The following CACNA2D3 variants were observed in gnomAD, a reference collection of about 807,000 sequenced individuals.
The protein encoded by CACNA2D3 is calcium voltage-gated channel auxiliary subunit alpha2delta 3, also known as voltage-dependent calcium channel subunit alpha-2/delta-3.
A neutral mutation model predicts 160.6 loss-of-function variants in CACNA2D3; 60 were observed. The ratio of observed to expected loss-of-function variants is 0.37; its 90% CI spans 0.30 to 0.46. The LOEUF (loss-of-function observed/expected upper bound fraction) is 0.46, where lower values mean the gene tolerates loss of function less well. Among genes scored for constraint, CACNA2D3 ranks in the 20% least tolerant of loss-of-function variants. The pLI, the probability that CACNA2D3 is intolerant of heterozygous loss-of-function variation, is 1.00. For missense variants in CACNA2D3, 1,205 were observed against 1,365.0 expected (o/e 0.88, Z 1.85); for synonymous variants, 558 against 492.9 (o/e 1.13, Z -1.75).
At chr3:54,402,065 C>G (rs574507054) in intron 4 of CACNA2D3, among the ~76,000 whole-genome samples, 4 of 152,056 alleles carry the variant, frequency 2.6e-5, no homozygotes, top group African/African-American at 9.6e-5. Context: ...GTAAAATATC[C>G]TATTATAACT....
chr3:54,245,961 G>A (rs1702066725), intron 2 of CACNA2D3, among the ~76,000 whole-genome samples: 2 of 152,212 alleles, frequency 1.3e-5, no homozygotes, highest in African/African-American at 4.8e-5. Flanking sequence ...TAGGTGATGG[G>A]ATTACAGGCG....
At chr3:54,429,563 C>T (rs560011005) in intron 4 of CACNA2D3, among the ~76,000 whole-genome samples, 77 of 152,198 alleles carry the variant, frequency 5.1e-4, no homozygotes, top group African/African-American at 1.7e-3. Flanking sequence ...ATAAGCTTCT[C>T]AGCTGTGGCT....
intron 14 of CACNA2D3, among the ~76,000 whole-genome samples, chr3:54,821,918 G>A (rs1243356953): frequency 1.3e-5 from 2 of 152,046 alleles, no homozygotes; most frequent in Non-Finnish European, 2.9e-5. Flanking sequence ...AAAATTGAAA[G>A]TTTGCAAAGC....
intron 5 of CACNA2D3, among the ~76,000 whole-genome samples, chr3:54,504,390 G>T (rs930205811): frequency 6.6e-6 from 1 of 152,044 alleles, no homozygotes; most frequent in African/African-American, 2.4e-5. Context: ...CTGTGACCTT[G>T]GGCACGTCAC....
rs114543016 is a variant in CACNA2D3, at chr3:54,883,357, T to C, written c.1913-1924T>C. Reference sequence around the variant, plus strand: ...TTTTATATGTATTGCACATGATAATTGTTCAACAAATTAGAGCTTATGTCA... The same window carrying C: ...TTTTATATGTATTGCACATGATAATCGTTCAACAAATTAGAGCTTATGTCA... On this transcript the variant is annotated intron_variant, in intron 21 of 37. Coordinates refer to ENST00000474759, the MANE Select transcript of CACNA2D3 (RefSeq NM_018398.3). Among the ~76,000 whole-genome samples, 1,058 of 152,276 alleles carry C rather than the reference T, an allele frequency of 6.9e-3. 15 individuals are homozygous for C. The highest frequency in any genetic ancestry group is 0.024 in the African/African-American group (1,012 of 41,554).
chr3:54,818,515 CAG>C (rs1380400931), intron 14 of CACNA2D3, among the ~76,000 whole-genome samples: 5 of 152,320 alleles, frequency 3.3e-5, no homozygotes, highest in African/African-American at 1.2e-4. Context: ...CAAAGCAACA[CAG>C]AATACAGAAG....
Position 54,764,228 on chromosome 3 carries a change from C to G in CACNA2D3, c.1257C>G (p.Thr419=). The G allele has an allele frequency of 1.9e-6, 3 of 1,613,326 alleles. No homozygotes were observed. The highest frequency in any genetic ancestry group is 1.1e-5 in the South Asian group (1 of 91,004). The change falls in exon 13 of 38, where the codon ACC becomes ACG. Residue 419 remains threonine (T), a synonymous_variant. Coordinates refer to ENST00000474759, the MANE Select transcript of CACNA2D3 (RefSeq NM_018398.3). ...CTTGGGTTTTGACAGGATTTTTTAC[C>G]CAGATCTCCACCTTGGCTGATGTGC... The part of the protein sequence containing the change: ...WMACANKGFF[T]QISTLADVQE...
intron 2 of CACNA2D3, among the ~76,000 whole-genome samples, chr3:54,295,129 A>G (rs954808913): frequency 1.3e-5 from 2 of 152,208 alleles, no homozygotes; most frequent in African/African-American, 4.8e-5. Context: ...AGAAGAGGTG[A>G]TTAGAAAACC....
chr3:54,331,120 C>T (rs1257733018), intron 3 of CACNA2D3, among the ~76,000 whole-genome samples: 1 of 152,088 alleles, frequency 6.6e-6, no homozygotes, highest in African/African-American at 2.4e-5. Context: ...AAACCTCTGT[C>T]CCCCAGGCCA....
At chr3:54,217,901 G>C (rs925707979) in intron 2 of CACNA2D3, among the ~76,000 whole-genome samples, 3 of 152,098 alleles carry the variant, frequency 2.0e-5, no homozygotes, top group Non-Finnish European at 4.4e-5. Context: ...GTGTTAGGGA[G>C]AGAGGTGTGT....
intron 35 of CACNA2D3, among the ~76,000 whole-genome samples, chr3:55,048,362 T>C (rs1268457442): frequency 2.6e-4 from 27 of 104,658 alleles, no homozygotes; most frequent in Non-Finnish European, 4.3e-4. Context: ...GAGATAATCA[T>C]GTGGTTTTTG....
intron 2 of CACNA2D3, among the ~76,000 whole-genome samples, chr3:54,312,546 C>A (rs1403391541): frequency 6.6e-6 from 1 of 152,178 alleles, no homozygotes; most frequent in Non-Finnish European, 1.5e-5. Flanking sequence ...AGGAAAAAAA[C>A]CAACCCAAAC....
At chr3:54,231,355 C>A (rs34152564) in intron 2 of CACNA2D3, among the ~76,000 whole-genome samples, 1 of 152,180 alleles carries the variant, frequency 6.6e-6, no homozygotes, top group Non-Finnish European at 1.5e-5. Flanking sequence ...ATCCACCATA[C>A]CTGCAAGATG....
At chr3:54,908,334 C>G (rs757368648) in intron 27 of CACNA2D3, among the ~76,000 whole-genome samples, 1 of 152,176 alleles carries the variant, frequency 6.6e-6, no homozygotes, top group Non-Finnish European at 1.5e-5. Flanking sequence ...AGAGAAAGGT[C>G]TATTCAGATC....
intron 27 of CACNA2D3, among the ~76,000 whole-genome samples, chr3:54,946,974 C>T (rs1295941012): frequency 1.3e-5 from 2 of 152,156 alleles, no homozygotes; most frequent in African/African-American, 4.8e-5. Flanking sequence ...GACCATAGTG[C>T]ATTTAAGATG....
chr3:54,774,626 A>C (rs1702387810), intron 13 of CACNA2D3, among the ~76,000 whole-genome samples: 1 of 125,108 alleles, frequency 8.0e-6, no homozygotes, highest in South Asian at 2.7e-4. Flanking sequence ...TTGCTCTTTG[A>C]CTATTTTTTT....
chr3:55,008,146 C>A (rs1465781496), intron 33 of CACNA2D3, among the ~76,000 whole-genome samples: 1 of 152,194 alleles, frequency 6.6e-6, no homozygotes, highest in Non-Finnish European at 1.5e-5. Flanking sequence ...GATTTTACTG[C>A]AGCCTGGGTG....
At chr3:54,413,261 A>ATTTGTATC (rs1177594692) in intron 4 of CACNA2D3, among the ~76,000 whole-genome samples, 1 of 151,294 alleles carries the variant, frequency 6.6e-6, no homozygotes, top group Non-Finnish European at 1.5e-5. Flanking sequence ...ATCCGCCAAC[A>ATTTGTATC]TTTGTATCTT....
chr3:54,994,946 A>G (rs1470817178), intron 31 of CACNA2D3, among the ~76,000 whole-genome samples: 1 of 152,160 alleles, frequency 6.6e-6, no homozygotes, highest in Admixed American at 6.5e-5. Context: ...CTTAAGAGAT[A>G]GAGAAAGAAA....
Sources: gnomAD v4.1 joint callset for allele counts (sites outside exome capture counted in the v4.1 genomes callset) on GRCh38, gnomAD v4.1.1 for gene constraint, MANE v1.5 for transcripts, NCBI Gene and HGNC (gene_info 2026-07-23, HGNC 2026-07-21) for gene names.